PSAP: variants seen among roughly 807,000 people sequenced by gnomAD.
The protein encoded by PSAP is prosaposin, also known as precursor of saposins.
A neutral mutation model predicts 66.0 loss-of-function variants in PSAP; 25 were observed. The observed-to-expected ratio is 0.38, with a 90% CI of 0.28 to 0.53. The LOEUF (loss-of-function observed/expected upper bound fraction) is 0.53, where lower values mean the gene tolerates loss of function less well. PSAP is among the 20% of genes least tolerant of loss of function. The pLI, the probability that PSAP is intolerant of heterozygous loss-of-function variation, is 0.83. For synonymous variants in PSAP, 273 were observed against 258.9 expected (o/e 1.05, Z -0.52); for missense variants, 649 against 668.8 (o/e 0.97, Z 0.33).
chr10:71,841,552 G>C (rs1323876999), intron 1 of PSAP, among the ~76,000 whole-genome samples: 2 of 152,078 alleles, frequency 1.3e-5, no homozygotes, highest in Non-Finnish European at 2.9e-5. Flanking sequence ...GCTGTTATGA[G>C]AATTAAATGA....
Position 71,834,457 on chromosome 10 carries a change from G to A in PSAP, c.89C>T (p.Ala30Val), listed in dbSNP as rs1012525890. 3.7e-6 allele frequency: 6 copies of A among 1,614,010 alleles called. No homozygotes were observed. Among genetic ancestry groups the A allele is most frequent in the Admixed American group, 3.3e-5 (2 of 60,008 alleles). ...CGTCTTCACATTCTGGCACCACACT[G>A]CCGAGCCCCTGGTGCATTCTTTCAG... Reference protein sequence around the residue: ...LGLKECTRGSAVWCQNVKTAS... With the variant: ...LGLKECTRGSVVWCQNVKTAS... Residue 30 changes from alanine to valine, a missense_variant, in exon 2 of 14, where the codon GCA becomes GTA. Ala to Val is a moderately conservative substitution (Grantham distance 64). Coordinates refer to ENST00000394936, the MANE Select transcript of PSAP (RefSeq NM_002778.4).
At chr10:71,847,212 TG>T (rs1156399486) in intron 1 of PSAP, among the ~76,000 whole-genome samples, 3 of 152,098 alleles carry the variant, frequency 2.0e-5, no homozygotes, top group African/African-American at 7.2e-5. Flanking sequence ...CCCAGCACTT[TG>T]GGAGGCCGAG....
intron 6 of PSAP, among the ~76,000 whole-genome samples, chr10:71,827,008 G>A (rs866687448): frequency 7.9e-4 from 120 of 152,326 alleles, no homozygotes; most frequent in Middle Eastern, 3.4e-3. Context: ...ACAGGACTAA[G>A]GGAGGCTTCC....
intron 3 of PSAP, 100 bp from the exon 4 acceptor site, chr10:71,831,351 G>C (rs1213843880): frequency 1.3e-6 from 2 of 1,502,352 alleles, no homozygotes; most frequent in Non-Finnish European, 1.8e-6. Flanking sequence ...GAAAAACCAA[G>C]CCTGGAAAAC....
intron 10 of PSAP, 32 bp downstream of exon 10, chr10:71,819,682 C>A (rs778422634): frequency 1.9e-6 from 3 of 1,614,060 alleles, no homozygotes; most frequent in Non-Finnish European, 2.5e-6. Context: ...AAGAGGGGCA[C>A]CATCCTCTCC....
intron 1 of PSAP, among the ~76,000 whole-genome samples, chr10:71,839,231 AC>A (rs1305732003): frequency 6.6e-6 from 1 of 152,088 alleles, no homozygotes; most frequent in Non-Finnish European, 1.5e-5. Context: ...ACAGCTTGGA[AC>A]AACGGGCTCT....
At position 71,819,648 on chromosome 10, in the gene PSAP, C is replaced by T. The variant is rs3747860; in HGVS notation, c.1193-26G>A. The T allele has an allele frequency of 0.19, 301,318 of 1,613,892 alleles. 29,058 individuals are homozygous for T. The highest frequency in any genetic ancestry group is 0.27 in the East Asian group (12,193 of 44,858). ...CTACATAAGAGGGCAGCGGGCTCAA[C>T]GCTGGCAGGGCCCTCCCAGACCCAA... On this transcript the variant is annotated intron_variant, in intron 10 of 13. Coordinates refer to ENST00000394936, the MANE Select transcript of PSAP (RefSeq NM_002778.4).
At chr10:71,850,273 AG>A (rs1842902876) in intron 1 of PSAP, among the ~76,000 whole-genome samples, 1 of 152,164 alleles carries the variant, frequency 6.6e-6, no homozygotes, top group Non-Finnish European at 1.5e-5. Context: ...TCGCTCTCTT[AG>A]TCGGCTACCT....
At chr10:71,840,211 G>A (rs2133061063) in intron 1 of PSAP, among the ~76,000 whole-genome samples, 1 of 152,000 alleles carries the variant, frequency 6.6e-6, no homozygotes, top group African/African-American at 2.4e-5. Context: ...AACAGAAAAT[G>A]CATGCAGCCT....
Position 71,816,584 on chromosome 10 carries a change from G to A in PSAP, c.*857C>T. 2.4e-6 allele frequency: 1 copy of A among 424,348 alleles called. No homozygotes were observed. Among genetic ancestry groups the A allele is most frequent in the South Asian group, 1.7e-5 (1 of 60,530 alleles). 26.3% of individuals were successfully genotyped at this position (424,348 alleles called of 1,614,324 possible). ...TATTTATTTGAAAAGGTCAAAAGGAGCATCTATGAGACAAGGGAGGGGTGC... is the reference window on the plus strand; with the variant it reads ...TATTTATTTGAAAAGGTCAAAAGGAACATCTATGAGACAAGGGAGGGGTGC... On this transcript the variant is annotated 3_prime_UTR_variant, in exon 14 of 14. Coordinates refer to ENST00000394936, the MANE Select transcript of PSAP (RefSeq NM_002778.4).
At chr10:71,818,982 C>T in intron 12 of PSAP, 49 bp downstream of exon 12, 1 of 1,542,768 alleles carries the variant, frequency 6.5e-7, no homozygotes, top group Non-Finnish European at 9.0e-7. Context: ...CTCTGCAGCC[C>T]CCCAGGTTAC....
At chr10:71,826,359 C>T (rs1842399310) in intron 6 of PSAP, among the ~76,000 whole-genome samples, 1 of 152,174 alleles carries the variant, frequency 6.6e-6, no homozygotes, top group Admixed American at 6.5e-5. Context: ...TATTTTCAGA[C>T]AATCTAGATA....
At chr10:71,836,792 T>C (rs1444282255) in intron 1 of PSAP, among the ~76,000 whole-genome samples, 1 of 152,104 alleles carries the variant, frequency 6.6e-6, no homozygotes, top group East Asian at 1.9e-4. Context: ...AAATCTAGAG[T>C]GTTTCCGGAA....
rs569030512 is a variant in PSAP at position 71,835,642 on chromosome 10, T to C, written c.41-1137A>G. ...GTCCTTGATTTTAGAACCAAAAAAA[T>C]GGGGAAAAAAATCCTCAGATTCACA... On this transcript the variant is annotated intron_variant, in intron 1 of 13. Transcript: ENST00000394936. Among the ~76,000 whole-genome samples the C allele has an allele frequency of 3.3e-5, 5 of 151,714 alleles. No homozygotes were observed. The East Asian group carries it at 9.7e-4, about 29-fold the overall frequency.
rs758811581 is a variant in PSAP at position 71,820,342 on chromosome 10, A to G, written c.910-7T>C. On this transcript the variant is annotated splice_polypyrimidine_tract_variant and splice_region_variant and intron_variant, in intron 8 of 13. Coordinates refer to ENST00000394936, the MANE Select transcript of PSAP (RefSeq NM_002778.4). ...TTGCTGGGACCTCGTGCTTCTGTGGAAAGAGTAGAAGGAGAGTACTTTCAA... is the reference window on the plus strand; with the variant it reads ...TTGCTGGGACCTCGTGCTTCTGTGGGAAGAGTAGAAGGAGAGTACTTTCAA... The G allele has an allele frequency of 2.2e-5, 35 of 1,610,080 alleles. No individual in the cohort carries two copies. The East Asian group carries it at 2.2e-4, about 10-fold the overall frequency.
chr10:71,846,425 T>TAAAAAAA, intron 1 of PSAP, among the ~76,000 whole-genome samples: 1 of 115,888 alleles, frequency 8.6e-6, no homozygotes, highest in Non-Finnish European at 1.9e-5. Context: ...TTAAAGCCCT[T>TAAAAAAA]AAAAAAAAAA....
intron 11 of PSAP, 132 bp downstream of exon 11, chr10:71,819,333 C>G: frequency 7.2e-7 from 1 of 1,384,052 alleles, no homozygotes; most frequent in Non-Finnish European, 1.0e-6. Flanking sequence ...CAAATCACCT[C>G]CAAGTAAAAC....
chr10:71,837,068 GA>G (rs1448091678), intron 1 of PSAP, among the ~76,000 whole-genome samples: 2 of 152,222 alleles, frequency 1.3e-5, no homozygotes, highest in Non-Finnish European at 2.9e-5. Context: ...GCATGGTGGA[GA>G]ATTCGGTACG....
intron 1 of PSAP, among the ~76,000 whole-genome samples, chr10:71,841,516 C>T (rs1210440926): frequency 6.6e-6 from 1 of 152,086 alleles, no homozygotes; most frequent in Non-Finnish European, 1.5e-5. Flanking sequence ...CCCAGAATTC[C>T]GATTCAGTTG....
Sources: gnomAD v4.1 joint callset for allele counts (sites outside exome capture counted in the v4.1 genomes callset) on GRCh38, gnomAD v4.1.1 for gene constraint, MANE v1.5 for transcripts, NCBI Gene and HGNC (gene_info 2026-07-23, HGNC 2026-07-21) for gene names.